The following STK24 variants were observed in gnomAD, a reference collection of about 807,000 sequenced individuals.
The protein encoded by STK24 is serine/threonine-protein kinase 24.
Under a neutral mutation model 55.6 loss-of-function variants are expected in STK24, and 21 were observed. The ratio of observed to expected loss-of-function variants is 0.38; its 90% CI spans 0.27 to 0.54. STK24 has a LOEUF of 0.54. Ranked by LOEUF, STK24 falls within the 20% of genes least tolerant of loss-of-function variation. The pLI is 0.79. For synonymous variants in STK24, 200 were observed against 215.2 expected (o/e 0.93, Z 0.62); for missense variants, 383 against 538.4 (o/e 0.71, Z 2.86).
At chr13:98,553,161 CG>C (rs1566401969) in intron 1 of STK24, 1 of 152,196 alleles carries the variant, frequency 6.6e-6, no homozygotes, top group African/African-American at 2.4e-5. Context: ...ACAGCCACCA[CG>C]GTAGGCTAAG....
chr13:98,528,890 G>A (rs1020320394), intron 1 of STK24, among the ~76,000 whole-genome samples: 1 of 152,164 alleles, frequency 6.6e-6, no homozygotes, highest in African/African-American at 2.4e-5. Flanking sequence ...GCGGGCGGGA[G>A]GATGCTGGAA....
chr13:98,567,945 G>A (rs1160928225), intron 1 of STK24, among the ~76,000 whole-genome samples: 1 of 80,142 alleles, frequency 1.2e-5, no homozygotes, highest in Non-Finnish European at 3.5e-5. Context: ...AAAAAAAAAG[G>A]GGGGGGGTGG....
At chr13:98,561,736 G>C (rs188777323) in intron 1 of STK24, among the ~76,000 whole-genome samples, 43 of 152,076 alleles carry the variant, frequency 2.8e-4, no homozygotes, top group Non-Finnish European at 4.6e-4. Context: ...TAGCACTTTG[G>C]GGGAGGCAGG....
chr13:98,564,922 T>C (rs1897525900), intron 1 of STK24, among the ~76,000 whole-genome samples: 1 of 152,098 alleles, frequency 6.6e-6, no homozygotes, highest in South Asian at 2.1e-4. Flanking sequence ...GGAACACACA[T>C]CCTCTGCCCC....
At chr13:98,536,657 C>T (rs1896744160) in intron 1 of STK24, among the ~76,000 whole-genome samples, 1 of 152,114 alleles carries the variant, frequency 6.6e-6, no homozygotes, top group Non-Finnish European at 1.5e-5. Flanking sequence ...AGCCACCACA[C>T]CTGCCCTTCT....
intron 1 of STK24, among the ~76,000 whole-genome samples, chr13:98,536,744 CG>C (rs1477116978): frequency 6.6e-6 from 1 of 152,088 alleles, no homozygotes; most frequent in Non-Finnish European, 1.5e-5. Flanking sequence ...TCTGGGGTCC[CG>C]GGAGCTGCCC....
At chr13:98,540,940 C>A (rs1161750177) in intron 1 of STK24, among the ~76,000 whole-genome samples, 2 of 151,888 alleles carry the variant, frequency 1.3e-5, no homozygotes, top group Non-Finnish European at 2.9e-5. Flanking sequence ...GAAGAAGCTC[C>A]CCAGGCCTCC....
intron 1 of STK24, among the ~76,000 whole-genome samples, chr13:98,524,046 A>G (rs1403968409): frequency 6.6e-6 from 1 of 151,882 alleles, no homozygotes; most frequent in African/African-American, 2.4e-5. Context: ...GCCCGTCCAC[A>G]CCCAGCCCCA....
chr13:98,542,166 T>A (rs1347619193), intron 1 of STK24, among the ~76,000 whole-genome samples: 2 of 152,208 alleles, frequency 1.3e-5, no homozygotes, highest in Non-Finnish European at 2.9e-5. Context: ...TCAGCTCTCA[T>A]GATTTAATAC....
chr13:98,526,916 G>A (rs553027263), intron 1 of STK24, among the ~76,000 whole-genome samples: 2 of 152,196 alleles, frequency 1.3e-5, no homozygotes, highest in Admixed American at 6.5e-5. Context: ...TTCATGAGAC[G>A]CTTGCCAGGT....
intron 3 of STK24, among the ~76,000 whole-genome samples, chr13:98,477,270 C>T (rs1036441778): frequency 6.6e-6 from 1 of 152,224 alleles, no homozygotes; most frequent in Non-Finnish European, 1.5e-5. Flanking sequence ...GGAACACAGA[C>T]TTTTCTCATC....
At chr13:98,501,705 A>C (rs1326331437) in intron 2 of STK24, among the ~76,000 whole-genome samples, 1 of 152,094 alleles carries the variant, frequency 6.6e-6, no homozygotes, top group Non-Finnish European at 1.5e-5. Context: ...AACAATAAAA[A>C]ATTTTACAAA....
chr13:98,535,365 A>C (rs199843535), intron 1 of STK24, among the ~76,000 whole-genome samples: 10,989 of 102,340 alleles, frequency 0.11, 456 homozygotes, highest in African/African-American at 0.17. Context: ...AACAAACAAA[A>C]AAAAAATATA....
intron 2 of STK24, among the ~76,000 whole-genome samples, chr13:98,511,394 C>T (rs1432060897): frequency 6.6e-6 from 1 of 152,216 alleles, no homozygotes; most frequent in Admixed American, 6.5e-5. Context: ...TATACAGGCA[C>T]TCTGGAAAAT....
At chr13:98,500,935 C>T (rs1895432347) in intron 2 of STK24, among the ~76,000 whole-genome samples, 1 of 152,108 alleles carries the variant, frequency 6.6e-6, no homozygotes, top group African/African-American at 2.4e-5. Flanking sequence ...TAAGTAGCCA[C>T]ATCTTTTCTT....
chr13:98,567,521 G>A (rs1437092394), intron 1 of STK24, among the ~76,000 whole-genome samples: 1 of 152,226 alleles, frequency 6.6e-6, no homozygotes, highest in Non-Finnish European at 1.5e-5. Flanking sequence ...CCAAAAAAAT[G>A]AGAGAAGCAA....
intron 5 of STK24, among the ~76,000 whole-genome samples, chr13:98,470,311 G>A (rs1395152948): frequency 9.7e-6 from 1 of 103,336 alleles, no homozygotes; most frequent in South Asian, 2.6e-4. Context: ...GGAGTCGGGG[G>A]GGCAAGGGGG....
At chr13:98,475,185 G>T in intron 4 of STK24, 65 bp downstream of exon 4, 1 of 1,474,014 alleles carries the variant, frequency 6.8e-7, no homozygotes, top group Non-Finnish European at 9.3e-7. Context: ...CCCTTGAGAA[G>T]TCTTCAGGGC....
intron 4 of STK24, 64 bp from the exon 5 acceptor site, chr13:98,475,042 G>A: frequency 1.3e-6 from 2 of 1,531,506 alleles, no homozygotes; most frequent in Non-Finnish European, 8.8e-7. Flanking sequence ...ACTGCCACAA[G>A]CGCGTCTTCT....
Sources: allele counts gnomAD v4.1 joint callset (sites outside exome capture counted in the v4.1 genomes callset), GRCh38; gene constraint gnomAD v4.1.1; transcripts MANE v1.5; gene names NCBI Gene and HGNC (gene_info 2026-07-23, HGNC 2026-07-21).